Variants in RNF216 observed in about 807,000 individuals in gnomAD.
The protein encoded by RNF216 is E3 ubiquitin-protein ligase RNF216.
In RNF216, 72 loss-of-function variants were observed where a neutral mutation model predicts 110.8. The observed-to-expected ratio is 0.65, with a 90% CI of 0.54 to 0.79. The LOEUF (loss-of-function observed/expected upper bound fraction) is 0.79. Among genes scored for constraint, RNF216 ranks in the 30% least tolerant of loss-of-function variants. RNF216 has a pLI of 0.00. For synonymous variants in RNF216, 495 were observed against 407.5 expected (o/e 1.21, Z -2.59); for missense variants, 1,342 against 1,141.2 (o/e 1.18, Z -2.54).
chr7:5,658,187 A>G (rs547517880), intron 13 of RNF216, among the ~76,000 whole-genome samples: 1 of 152,338 alleles, frequency 6.6e-6, no homozygotes, highest in African/African-American at 2.4e-5. Context: ...TGCAACCAAT[A>G]AAGTGCTTCT....
At chr7:5,712,926 G>A (rs1005901220) in intron 11 of RNF216, 63 bp from the exon 12 acceptor site, 17 of 1,459,828 alleles carry the variant, frequency 1.2e-5, no homozygotes, top group East Asian at 7.1e-5. Context: ...AATAAAAAGC[G>A]TCAGTGGTTA....
At chr7:5,673,706 T>A (rs1790075310) in intron 13 of RNF216, among the ~76,000 whole-genome samples, 1 of 152,042 alleles carries the variant, frequency 6.6e-6, no homozygotes, top group Non-Finnish European at 1.5e-5. Context: ...CATGACCTTG[T>A]CTCTACAAAA....
intron 15 of RNF216, among the ~76,000 whole-genome samples, chr7:5,635,415 T>A (rs908647530): frequency 2.0e-5 from 3 of 151,950 alleles, no homozygotes; most frequent in African/African-American, 7.3e-5. Flanking sequence ...TTTTGTAGAA[T>A]AAATTTTTAA....
At chr7:5,747,926 G>T (rs996134740) in intron 3 of RNF216, among the ~76,000 whole-genome samples, 1 of 152,048 alleles carries the variant, frequency 6.6e-6, no homozygotes, top group Non-Finnish European at 1.5e-5. Context: ...TACAGGTTTT[G>T]AGCCACTGTG....
chr7:5,636,222 T>C (rs1393217276), intron 15 of RNF216, among the ~76,000 whole-genome samples: 3 of 152,232 alleles, frequency 2.0e-5, no homozygotes, highest in Non-Finnish European at 2.9e-5. Context: ...TGTTCACTTA[T>C]GTGTCAAGAG....
At chr7:5,709,247 C>G (rs955120020) in intron 13 of RNF216, among the ~76,000 whole-genome samples, 1 of 152,162 alleles carries the variant, frequency 6.6e-6, no homozygotes, top group African/African-American at 2.4e-5. Context: ...CCTGAAAGGT[C>G]TGAATATTAG....
Position 5,664,514 on chromosome 7 carries a change from T to C in RNF216, c.2062-12004A>G, listed in dbSNP as rs542981780. On this transcript the variant is annotated intron_variant, in intron 13 of 16. Transcript: ENST00000389902. ...CTCCTGTAGTTTCAAGACATGGAAGTTGATCTCTCTTCAATCAGGATAAAA... is the reference window on the plus strand; with the variant it reads ...CTCCTGTAGTTTCAAGACATGGAAGCTGATCTCTCTTCAATCAGGATAAAA... Among the ~76,000 whole-genome samples, 24 of 152,356 alleles carry C rather than the reference T, an allele frequency of 1.6e-4. 1 individual carries two copies. Among genetic ancestry groups the C allele is most frequent in the East Asian group, 9.6e-4 (5 of 5,190 alleles).
chr7:5,779,242 A>T (rs1796941746), intron 1 of RNF216, among the ~76,000 whole-genome samples: 1 of 152,124 alleles, frequency 6.6e-6, no homozygotes, highest in South Asian at 2.1e-4. Flanking sequence ...ACTCACACCT[A>T]ACCCTTCTTT....
chr7:5,708,357 T>C (rs577918277), intron 13 of RNF216, among the ~76,000 whole-genome samples: 44 of 152,336 alleles, frequency 2.9e-4, no homozygotes, highest in African/African-American at 1.1e-3. Flanking sequence ...TTTTGTGTTA[T>C]TTTTCCCTTC....
intron 13 of RNF216, among the ~76,000 whole-genome samples, chr7:5,686,954 C>T (rs113590711): frequency 3.9e-5 from 6 of 152,134 alleles, no homozygotes; most frequent in African/African-American, 7.2e-5. Flanking sequence ...ACTCACTGGC[C>T]CAGTGCTCAC....
intron 15 of RNF216, among the ~76,000 whole-genome samples, chr7:5,629,322 A>C (rs1786911512): frequency 6.6e-6 from 1 of 152,020 alleles, no homozygotes; most frequent in African/African-American, 2.4e-5. Flanking sequence ...ACAAAATTTT[A>C]AAAATTAGCC....
chr7:5,746,951 T>C (rs368908632), intron 3 of RNF216, among the ~76,000 whole-genome samples: 28 of 152,296 alleles, frequency 1.8e-4, no homozygotes, highest in African/African-American at 6.5e-4. Context: ...AATTCTAAAA[T>C]AGCTTTTTTG....
chr7:5,665,453 C>T (rs565105904), intron 13 of RNF216, among the ~76,000 whole-genome samples: 2 of 152,238 alleles, frequency 1.3e-5, no homozygotes, highest in South Asian at 4.1e-4. Context: ...AAAAAGAAAT[C>T]TTGAAGTGTT....
chr7:5,735,008 G>A (rs1421616317), intron 5 of RNF216, among the ~76,000 whole-genome samples: 1 of 151,354 alleles, frequency 6.6e-6, no homozygotes. Flanking sequence ...AAAACTAGCT[G>A]GGCGGTGGGC....
rs550991041 is a variant in RNF216, at chr7:5,639,200, C to G, written c.2382+1954G>C. Among the ~76,000 whole-genome samples, 4 of 152,290 alleles carry G rather than the reference C, an allele frequency of 2.6e-5. No homozygotes were observed. The East Asian group carries it at 7.7e-4, about 29-fold the overall frequency. On this transcript the variant is annotated intron_variant, in intron 15 of 16. Transcript: ENST00000389902. Reference sequence around the variant, plus strand: ...GAGATAGGGAAGCAGGCTCTTTAGCCTCACTGCAGCCCCTTTGCTGCTTGG... The same window carrying G: ...GAGATAGGGAAGCAGGCTCTTTAGCGTCACTGCAGCCCCTTTGCTGCTTGG...
chr7:5,741,926 T>C, intron 3 of RNF216, 111 bp from the exon 4 acceptor site: 1 of 1,070,872 alleles, frequency 9.3e-7, no homozygotes, highest in Non-Finnish European at 1.3e-6. Context: ...AAACACCATC[T>C]CCCTTAACAA....
chr7:5,704,289 C>A (rs577818828), intron 13 of RNF216, among the ~76,000 whole-genome samples: 4 of 152,262 alleles, frequency 2.6e-5, no homozygotes, highest in South Asian at 2.1e-4. Flanking sequence ...GAAAAGCCAA[C>A]TGGAATTTAT....
At chr7:5,689,846 A>G (rs1791216709) in intron 13 of RNF216, among the ~76,000 whole-genome samples, 1 of 151,886 alleles carries the variant, frequency 6.6e-6, no homozygotes, top group Non-Finnish European at 1.5e-5. Context: ...AGGCTGAGGC[A>G]GGAGAATCAC....
chr7:5,755,338 AT>A (rs2128666270), intron 2 of RNF216, among the ~76,000 whole-genome samples: 1 of 152,308 alleles, frequency 6.6e-6, no homozygotes, highest in East Asian at 1.9e-4. Flanking sequence ...TAAGGTTCCA[AT>A]TAGCTTTTCA....
Sources: gnomAD v4.1 joint callset for allele counts (sites outside exome capture counted in the v4.1 genomes callset) on GRCh38, gnomAD v4.1.1 for gene constraint, MANE v1.5 for transcripts, NCBI Gene and HGNC (gene_info 2026-07-23, HGNC 2026-07-21) for gene names.